The following SIPA1L3 variants were observed in gnomAD, a reference collection of about 807,000 sequenced individuals.
SIPA1L3 encodes signal-induced proliferation-associated 1-like protein 3.
SIPA1L3 carries 59 observed loss-of-function variants against 150.1 expected under a neutral mutation model. The ratio of observed to expected loss-of-function variants is 0.39; its 90% CI spans 0.32 to 0.49. The LOEUF (loss-of-function observed/expected upper bound fraction) is 0.49. Ranked by LOEUF, SIPA1L3 falls within the 20% of genes least tolerant of loss-of-function variation. The pLI, the probability that SIPA1L3 is intolerant of heterozygous loss-of-function variation, is 0.86. For synonymous variants in SIPA1L3, 1,070 were observed against 1,077.6 expected (o/e 0.99, Z 0.14); for missense variants, 2,211 against 2,489.5 (o/e 0.89, Z 2.38).
chr19:38,168,991 C>T (rs1972266595), intron 15 of SIPA1L3, among the ~76,000 whole-genome samples: 1 of 152,126 alleles, frequency 6.6e-6, no homozygotes, highest in African/African-American at 2.4e-5. Context: ...TGGATATATG[C>T]TTGCTTTCAT....
At chr19:38,171,196 G>T (rs898103088) in intron 15 of SIPA1L3, among the ~76,000 whole-genome samples, 13 of 152,052 alleles carry the variant, frequency 8.5e-5, no homozygotes, top group African/African-American at 3.1e-4. Context: ...CCTGTGGTAG[G>T]GAGGAGGGTG....
chr19:37,965,695 G>A (rs1242184886), intron 1 of SIPA1L3, among the ~76,000 whole-genome samples: 2 of 152,034 alleles, frequency 1.3e-5, no homozygotes, highest in Non-Finnish European at 2.9e-5. Context: ...ACAGCAGACT[G>A]TCTTCTACCC....
chr19:38,149,966 G>A (rs895195938), intron 12 of SIPA1L3, among the ~76,000 whole-genome samples: 13 of 152,152 alleles, frequency 8.5e-5, no homozygotes, highest in African/African-American at 1.4e-4. Context: ...ATTTCACAGC[G>A]ACTTTTTGGG....
rs183872663 is a variant in SIPA1L3 at position 38,049,331 on chromosome 19, G to A, written c.-311+20175G>A. ...AGGTTTGAGTAAAGAGTCAGCTTCC[G>A]GGGTTTGGAGCTCTGTATCTCATTC... On this transcript the variant is annotated intron_variant, in intron 2 of 21. Transcript: ENST00000222345. Among the ~76,000 whole-genome samples the A allele has an allele frequency of 3.9e-5, 6 of 152,244 alleles. No homozygotes were observed. In the South Asian group the frequency reaches 8.3e-4, roughly 21 times the overall value.
At chr19:38,034,963 G>A (rs995012182) in intron 2 of SIPA1L3, among the ~76,000 whole-genome samples, 2 of 152,198 alleles carry the variant, frequency 1.3e-5, no homozygotes, top group African/African-American at 4.8e-5. Flanking sequence ...CCTCATGGCT[G>A]GGTGGCTCTG....
intron 1 of SIPA1L3, among the ~76,000 whole-genome samples, chr19:37,909,973 TAAAA>T (rs34356507): frequency 3.6e-4 from 51 of 143,206 alleles, no homozygotes; most frequent in Admixed American, 3.5e-4. Flanking sequence ...AGCAGTGGCT[TAAAA>T]AAAAAAAAAA....
At chr19:38,171,517 C>G (rs562794434) in intron 15 of SIPA1L3, among the ~76,000 whole-genome samples, 1 of 151,540 alleles carries the variant, frequency 6.6e-6, no homozygotes, top group African/African-American at 2.4e-5. Context: ...CTCAGCCTCC[C>G]GAGTAGCTGG....
At chr19:38,132,508 C>G (rs185172395) in intron 10 of SIPA1L3, among the ~76,000 whole-genome samples, 1 of 138,482 alleles carries the variant, frequency 7.2e-6, no homozygotes, top group Non-Finnish European at 1.5e-5. Context: ...TGCTTGAACC[C>G]GGGAGGCAGA....
At chr19:38,138,238 T>G (rs1423552071) in intron 10 of SIPA1L3, among the ~76,000 whole-genome samples, 1 of 152,146 alleles carries the variant, frequency 6.6e-6, no homozygotes, top group Non-Finnish European at 1.5e-5. Context: ...TCCATGGTGG[T>G]TAAAGTTGTG....
At chr19:37,921,685 C>T (rs186351621) in intron 1 of SIPA1L3, among the ~76,000 whole-genome samples, 8 of 152,062 alleles carry the variant, frequency 5.3e-5, no homozygotes, top group South Asian at 4.2e-4. Flanking sequence ...ACCGCAACCT[C>T]GAACTCCTGG....
rs183068479 is a variant in SIPA1L3, at chr19:38,041,723, C to G, written c.-311+12567C>G. ...TCCCAAGTAGCTGAGACTACAGCCA[C>G]AAGCCATCACGGCCAGCTAAGTTTT... On this transcript the variant is annotated intron_variant, in intron 2 of 21. Coordinates refer to ENST00000222345, the MANE Select transcript of SIPA1L3 (RefSeq NM_015073.3). 4.3e-3 allele frequency among the ~76,000 whole-genome samples: 654 copies of G among 152,174 alleles called. 2 individuals are homozygous for G. The highest frequency in any genetic ancestry group is 7.3e-3 in the Non-Finnish European group (498 of 68,010).
At chr19:37,923,301 A>G (rs183149698) in intron 1 of SIPA1L3, among the ~76,000 whole-genome samples, 28 of 152,314 alleles carry the variant, frequency 1.8e-4, no homozygotes, top group African/African-American at 6.5e-4. Context: ...TGTGAACCTC[A>G]TGGAGTGTAC....
At chr19:38,187,297 C>G (rs1201099975) in intron 16 of SIPA1L3, among the ~76,000 whole-genome samples, 2 of 151,484 alleles carry the variant, frequency 1.3e-5, no homozygotes, top group African/African-American at 4.9e-5. Flanking sequence ...ACTAAAAATA[C>G]AAAAATTAGC....
intron 18 of SIPA1L3, among the ~76,000 whole-genome samples, chr19:38,197,873 T>C (rs1406921979): frequency 3.5e-4 from 39 of 111,908 alleles, no homozygotes; most frequent in African/African-American, 5.9e-4. Flanking sequence ...TCCCCCCAAA[T>C]CCCCCCCCAA....
chr19:38,147,008 C>G (rs1352747518), intron 12 of SIPA1L3, among the ~76,000 whole-genome samples: 8 of 151,700 alleles, frequency 5.3e-5, no homozygotes, highest in Non-Finnish European at 1.2e-4. Flanking sequence ...TTTAGTTTGT[C>G]TTTTTTACAG....
At chr19:37,908,600 T>C (rs569869064) in intron 1 of SIPA1L3, among the ~76,000 whole-genome samples, 1 of 151,558 alleles carries the variant, frequency 6.6e-6, no homozygotes, top group Admixed American at 6.6e-5. Context: ...TATTAAATGA[T>C]TAAATGTATC....
At chr19:38,142,411 C>T (rs1971608018) in intron 11 of SIPA1L3, among the ~76,000 whole-genome samples, 162 bp from the exon 12 acceptor site, 2 of 152,156 alleles carry the variant, frequency 1.3e-5, no homozygotes, top group Non-Finnish European at 2.9e-5. Context: ...CCCCTTCATC[C>T]TGAGCAGTGA....
At chr19:37,958,019 A>C (rs1285328916) in intron 1 of SIPA1L3, among the ~76,000 whole-genome samples, 1 of 152,160 alleles carries the variant, frequency 6.6e-6, no homozygotes, top group Non-Finnish European at 1.5e-5. Flanking sequence ...TGGCCTAAAA[A>C]GTATCTTATT....
intron 9 of SIPA1L3, among the ~76,000 whole-genome samples, chr19:38,124,692 T>G (rs1229966560): frequency 5.9e-5 from 9 of 151,714 alleles, no homozygotes; most frequent in African/African-American, 2.2e-4. Flanking sequence ...ATCACGCCAC[T>G]GCACTCCAGC....
Sources: gnomAD v4.1 joint callset for allele counts (sites outside exome capture counted in the v4.1 genomes callset) on GRCh38, gnomAD v4.1.1 for gene constraint, MANE v1.5 for transcripts, NCBI Gene and HGNC (gene_info 2026-07-23, HGNC 2026-07-21) for gene names.